SEC61A2: variants seen among roughly 807,000 people sequenced by gnomAD.
The protein encoded by SEC61A2 is protein transport protein Sec61 subunit alpha isoform 2.
SEC61A2 carries 28 observed loss-of-function variants against 59.9 expected under a neutral mutation model. That is an observed-to-expected ratio of 0.47 (90% CI 0.35 to 0.64). The LOEUF is 0.64. SEC61A2 is among the 30% of genes least tolerant of loss of function. The pLI is 0.01. For missense variants in SEC61A2, 340 were observed against 585.9 expected, an observed-to-expected ratio of 0.58 and a Z score of 4.33; for synonymous variants, 202 against 214.4, an observed-to-expected ratio of 0.94 and a Z score of 0.50.
chr10:12,163,806 A>T (rs1396402004), intron 11 of SEC61A2, among the ~76,000 whole-genome samples: 1 of 152,048 alleles, frequency 6.6e-6, no homozygotes, highest in Non-Finnish European at 1.5e-5. Context: ...ACTGCCTCTA[A>T]TCTTTTTTGA....
chr10:12,130,464 T>C (rs1273187814), intron 1 of SEC61A2, among the ~76,000 whole-genome samples: 4 of 152,180 alleles, frequency 2.6e-5, no homozygotes, highest in African/African-American at 4.8e-5. Context: ...GGGCACCCAT[T>C]GGCCAACTAG....
chr10:12,168,388 T>C (rs186617001), downstream of SEC61A2, among the ~76,000 whole-genome samples: 3 of 152,184 alleles, frequency 2.0e-5, no homozygotes, highest in Non-Finnish European at 4.4e-5. The surrounding 1 kb of genome is among the most constrained non-coding windows in gnomAD (Gnocchi z 4.8). Context: ...CTATACCTCA[T>C]TTATAGCTGG....
rs916704870 is a variant in SEC61A2 at position 12,142,548 on chromosome 10, C to G, written c.142-569C>G. ...TTTAGTATATAGAGCTTTGCAAAAT[C>G]ATTCTACGACCAGGCAGGTATAATA... On this transcript the variant is annotated intron_variant, in intron 3 of 11. Transcript: ENST00000298428. This position sits in a 1 kb window ranked among gnomAD's most constrained non-coding sequence, Gnocchi z 5.4. The G allele has an allele frequency of 1.7e-5, 17 of 977,724 alleles. No homozygotes were observed. The highest frequency in any genetic ancestry group is 3.5e-5 in the African/African-American group (2 of 57,012). 60.6% of individuals were successfully genotyped at this position (977,724 alleles called of 1,614,324 possible).
chr10:12,133,431 C>T, intron 2 of SEC61A2, 123 bp downstream of exon 2: 1 of 514,052 alleles, frequency 1.9e-6, no homozygotes, highest in Non-Finnish European at 3.6e-6. Flanking sequence ...GGTGTTCATC[C>T]TCCTTGCAAG....
Position 12,164,525 on chromosome 10 carries a change from C to G in SEC61A2, c.*71C>G. On this transcript the variant is annotated 3_prime_UTR_variant, in exon 12 of 12. Coordinates refer to ENST00000298428, the MANE Select transcript of SEC61A2 (RefSeq NM_018144.4). This position sits in a 1 kb window ranked among gnomAD's most constrained non-coding sequence, Gnocchi z 7.3. The stretch of plus-strand genomic sequence containing the variant: ...GACGGATCGTTTTTGTCAGATGACA[C>G]TGGTGGCTCCCCTTTTCTCCCCTCA... 6.5e-7 allele frequency: 1 copy of G among 1,543,254 alleles called. No individual in the cohort carries two copies. Among genetic ancestry groups the G allele is most frequent in the South Asian group, 1.3e-5 (1 of 78,328 alleles).
chr10:12,151,830 C>T (rs1160962491), intron 6 of SEC61A2, among the ~76,000 whole-genome samples: 4 of 151,282 alleles, frequency 2.6e-5, no homozygotes, highest in South Asian at 2.1e-4. Flanking sequence ...AATCTCAGCT[C>T]GGCACAATCT....
At position 12,154,479 on chromosome 10, in the gene SEC61A2, G is replaced by T. The variant is rs541169479; in HGVS notation, c.463-1299G>T. 6.6e-5 allele frequency among the ~76,000 whole-genome samples: 10 copies of T among 152,186 alleles called. No individual in the cohort carries two copies. Among genetic ancestry groups the T allele is most frequent in the African/African-American group, 2.4e-4 (10 of 41,514 alleles). On this transcript the variant is annotated intron_variant, in intron 6 of 11. Transcript: ENST00000298428. This position sits in a 1 kb window ranked among gnomAD's most constrained non-coding sequence, Gnocchi z 5.2. ...CGGCTGTTGCCTCCTGCATAGGATG[G>T]GTTTCTCTATGATGGGGAGTCTCTG...
chr10:12,133,510 A>G lies in SEC61A2; in HGVS notation c.75+202A>G, dbSNP rs982275728. Among the ~76,000 whole-genome samples, 8 of 152,248 alleles carry G rather than the reference A, an allele frequency of 5.3e-5. No homozygotes were observed. In the East Asian group the frequency reaches 1.5e-3, roughly 29 times the overall value. ...GATAGGTTAACTCATGCTTTCAAAA[A>G]TGACTGTTCTTTAAGTTGTGACATT... On this transcript the variant is annotated intron_variant, in intron 2 of 11. Coordinates refer to ENST00000298428, the MANE Select transcript of SEC61A2 (RefSeq NM_018144.4).
At chr10:12,130,306 G>A (rs1833702577) in intron 1 of SEC61A2, among the ~76,000 whole-genome samples, 1 of 152,132 alleles carries the variant, frequency 6.6e-6, no homozygotes, top group Non-Finnish European at 1.5e-5. Flanking sequence ...AAAACTGTAA[G>A]GTTTTATAAG....
At position 12,142,859 on chromosome 10, in the gene SEC61A2, C is replaced by T. The variant is rs1834052411; in HGVS notation, c.142-258C>T. Among the ~76,000 whole-genome samples the T allele has an allele frequency of 6.6e-6, 1 of 151,816 alleles. No individual in the cohort carries two copies. The highest frequency in any genetic ancestry group is 6.6e-5 in the Admixed American group (1 of 15,240). On this transcript the variant is annotated intron_variant, in intron 3 of 11. Transcript: ENST00000298428. The surrounding 1 kb of genome is among the most constrained non-coding windows in gnomAD (Gnocchi z 5.4). ...ATTTTCTTTTTAATAAACAGCTTTA[C>T]CTTGAAGATATGCTTGTTTTTGTTG...
chr10:12,156,836 G>T lies in SEC61A2; in HGVS notation c.617-71G>T. On this transcript the variant is annotated intron_variant, in intron 7 of 11. Coordinates refer to ENST00000298428, the MANE Select transcript of SEC61A2 (RefSeq NM_018144.4). This position sits in a 1 kb window ranked among gnomAD's most constrained non-coding sequence, Gnocchi z 5.2. ...TTTCTGCTGTATACTGGACTTTCAC[G>T]GTTAGTTGTTTGAGCTTTGGGACAG... 11 of 1,511,122 alleles carry T rather than the reference G, an allele frequency of 7.3e-6. No homozygotes were observed. The highest frequency in any genetic ancestry group is 9.9e-6 in the Non-Finnish European group (11 of 1,107,256). 93.6% of individuals were successfully genotyped at this position (1,511,122 alleles called of 1,614,324 possible). A position where few individuals can be genotyped will look rare whatever the true frequency, so the allele number is the denominator to read the frequency against.
At chr10:12,140,072 A>G (rs117379498) in intron 3 of SEC61A2, among the ~76,000 whole-genome samples, 1 of 152,142 alleles carries the variant, frequency 6.6e-6, no homozygotes, top group African/African-American at 2.4e-5. Context: ...TTGTAGCAGA[A>G]GTAAAGAATT....
chr10:12,162,240 A>G lies in SEC61A2; in HGVS notation c.1195A>G (p.Met399Val), dbSNP rs774177489. 6.2e-7 allele frequency: 1 copy of G among 1,611,192 alleles called. No homozygotes were observed. The highest frequency in any genetic ancestry group is 2.2e-5 in the East Asian group (1 of 44,752). Residue 399 changes from methionine to valine, a missense_variant, in exon 11 of 12, where the codon ATG becomes GTG. Transcript: ENST00000298428. The surrounding 1 kb of genome is among the most constrained non-coding windows in gnomAD (Gnocchi z 6.1). ...AGCTAAACAGCTGAAAGAACAGCAG[A>G]TGGTAATGAGGGGCCACCGAGATAC... ...DVAKQLKEQQMVMRGHRDTSM... is the reference protein window; with the variant it reads ...DVAKQLKEQQVVMRGHRDTSM...
Position 12,160,827 on chromosome 10 carries a change from T to G in SEC61A2, c.976-103T>G, listed in dbSNP as rs938409570. ...CATAGAATGACTAGCTGTAGATGCC[T>G]TGAACTTAAAACACTGTCATTTCTG... On this transcript the variant is annotated intron_variant, in intron 9 of 11. Coordinates refer to ENST00000298428, the MANE Select transcript of SEC61A2 (RefSeq NM_018144.4). The surrounding 1 kb of genome is among the most constrained non-coding windows in gnomAD (Gnocchi z 4.1). 6.0e-6 allele frequency: 6 copies of G among 998,302 alleles called. No individual in the cohort carries two copies. The African/African-American group carries it at 9.8e-5, about 16-fold the overall frequency. The allele number at this position is 998,302 out of a possible 1,614,324, so 61.8% of individuals were successfully genotyped here. A position where few individuals can be genotyped will look rare whatever the true frequency, so the allele number is the denominator to read the frequency against.
Position 12,142,621 on chromosome 10 carries a change from T to G in SEC61A2, c.142-496T>G, listed in dbSNP as rs554993799. The G allele has an allele frequency of 2.0e-6, 1 of 502,618 alleles. No individual in the cohort carries two copies. The highest frequency in any genetic ancestry group is 2.1e-5 in the African/African-American group (1 of 47,950). 31.1% of individuals were successfully genotyped at this position (502,618 alleles called of 1,614,324 possible). A position where few individuals can be genotyped will look rare whatever the true frequency, so the allele number is the denominator to read the frequency against. Reference sequence around the variant, plus strand: ...TGTTTTTTAAATTGTGGTAAAAGTATAGAAAATATGCCATCTTCATCATTT... The same window carrying G: ...TGTTTTTTAAATTGTGGTAAAAGTAGAGAAAATATGCCATCTTCATCATTT... On this transcript the variant is annotated intron_variant, in intron 3 of 11. Coordinates refer to ENST00000298428, the MANE Select transcript of SEC61A2 (RefSeq NM_018144.4). The surrounding 1 kb of genome is among the most constrained non-coding windows in gnomAD (Gnocchi z 5.4).
chr10:12,146,737 C>T (rs947449858), intron 4 of SEC61A2, among the ~76,000 whole-genome samples: 68 of 151,822 alleles, frequency 4.5e-4, no homozygotes, highest in Non-Finnish European at 1.6e-4. Context: ...CCAGGATGGT[C>T]TTGATCTCCT....
Position 12,155,784 on chromosome 10 carries a change from G to A in SEC61A2, c.469G>A (p.Val157Ile), listed in dbSNP as rs1834384185. Residue 157 changes from valine to isoleucine, a missense_variant, in exon 7 of 12, where the codon GTT (valine) becomes ATT (isoleucine). Physicochemically the swap from Val to Ile is conservative, Grantham distance 29. Around this residue, in one of 3 missense-constraint regions of SEC61A2, gnomAD observed 283 missense variants for 483.2 expected, o/e 0.59. Transcript: ENST00000298428. The surrounding 1 kb of genome is among the most constrained non-coding windows in gnomAD (Gnocchi z 4.3). ...TGCATTTCTTTCCCCACAGTTGTTT[G>A]TTGCTGGTTTGATTGTGCTGCTGTT... ...ICLLIIIQLF[V>I]AGLIVLLLDE... The A allele has an allele frequency of 6.2e-7, 1 of 1,614,198 alleles. No homozygotes were observed. The highest frequency in any genetic ancestry group is 2.2e-5 in the East Asian group (1 of 44,888).
rs550816669 is a variant in SEC61A2, at chr10:12,146,813, C to T, written c.221-2782C>T. ...GATTACAGGTGTGAGCCACCGCGCC[C>T]AGCCAGTTTGTTCACTTTTTAATTG... On this transcript the variant is annotated intron_variant, in intron 4 of 11. Coordinates refer to ENST00000298428, the MANE Select transcript of SEC61A2 (RefSeq NM_018144.4). Among the ~76,000 whole-genome samples, 188 of 152,106 alleles carry T rather than the reference C, an allele frequency of 1.2e-3. 1 individual carries two copies. Among genetic ancestry groups the T allele is most frequent in the Non-Finnish European group, 2.5e-3 (168 of 67,968 alleles).
chr10:12,147,777 A>T (rs1834176110), intron 4 of SEC61A2, among the ~76,000 whole-genome samples: 1 of 152,048 alleles, frequency 6.6e-6, no homozygotes, highest in Admixed American at 6.6e-5. Flanking sequence ...TTTCCTAAAA[A>T]TGGCCAATTT....
Sources: allele counts gnomAD v4.1 joint callset (sites outside exome capture counted in the v4.1 genomes callset), GRCh38; gene constraint gnomAD v4.1.1; regional missense constraint gnomAD v4.1.1; non-coding constraint Gnocchi (gnomAD v3.1); transcripts MANE v1.5; gene names NCBI Gene and HGNC (gene_info 2026-07-23, HGNC 2026-07-21).